The following NFE2L3 variants were observed in gnomAD, a reference collection of about 807,000 sequenced individuals.
NFE2L3 encodes the protein NFE2 like bZIP transcription factor 3.
A neutral mutation model predicts 23.5 loss-of-function variants in NFE2L3; 18 were observed. The ratio of observed to expected loss-of-function variants is 0.77; its 90% CI spans 0.53 to 1.13. NFE2L3 has a LOEUF of 1.13. Ranked by LOEUF, NFE2L3 falls within the 50% of genes most tolerant of loss-of-function variation. The pLI, the probability that NFE2L3 is intolerant of heterozygous loss-of-function variation, is 0.00. For synonymous variants in NFE2L3, 424 were observed against 354.5 expected, an observed-to-expected ratio of 1.20 and a Z score of -2.20; for missense variants, 1,152 against 877.2, an observed-to-expected ratio of 1.31 and a Z score of -3.96.
At chr7:26,167,763 G>A (rs1784273457) in intron 1 of NFE2L3, among the ~76,000 whole-genome samples, 1 of 152,118 alleles carries the variant, frequency 6.6e-6, no homozygotes, top group Non-Finnish European at 1.5e-5. Context: ...GGCTACTAGG[G>A]CTAGCTGGTT....
chr7:26,176,766 C>T (rs1198589115), intron 1 of NFE2L3, among the ~76,000 whole-genome samples: 1 of 84,906 alleles, frequency 1.2e-5, no homozygotes, highest in Admixed American at 1.1e-4. Flanking sequence ...CCTCACTTCC[C>T]AGACGGGGTG....
chr7:26,183,724 TTC>T lies in NFE2L3; in HGVS notation c.776_777del (p.Ser259PhefsTer15). ...AGAGACATCTGAATGGGACAGATAC[TTC>T]TTTCTCTCTGGAAGACTTATTCCAG... ...NERHLNGTDT[S>X]FSLEDLFQLL... On this transcript the variant is annotated frameshift_variant, in exon 3 of 4. Coordinates refer to ENST00000056233, the MANE Select transcript of NFE2L3 (RefSeq NM_004289.7). LOFTEE classifies it high-confidence loss of function. The T allele has an allele frequency of 6.2e-7, 1 of 1,612,498 alleles. No homozygotes were observed. The highest frequency in any genetic ancestry group is 1.1e-5 in the South Asian group (1 of 91,048).
At position 26,152,796 on chromosome 7, in the gene NFE2L3, G is replaced by A; in HGVS notation, c.298G>A (p.Val100Ile). ...GCTCCGGGAGGTGCGCGCGCTCGGG[G>A]TCCCCTTCGTCCCTCGCACCAGCGT... ...QLLREVRALG[V>I]PFVPRTSVDA... Residue 100 changes from valine (V) to isoleucine (I), a missense_variant, in exon 1 of 4, where the codon GTC becomes ATC. Val to Ile is a conservative substitution (Grantham distance 29). Coordinates refer to ENST00000056233, the MANE Select transcript of NFE2L3 (RefSeq NM_004289.7). This position sits in a 1 kb window ranked among gnomAD's most constrained non-coding sequence, Gnocchi z 4.4. 6.7e-7 allele frequency: 1 copy of A among 1,486,170 alleles called. No individual in the cohort carries two copies. Among genetic ancestry groups the A allele is most frequent in the Non-Finnish European group, 8.9e-7 (1 of 1,125,868 alleles). 92.1% of individuals were successfully genotyped at this position (1,486,170 alleles called of 1,614,324 possible).
intron 1 of NFE2L3, among the ~76,000 whole-genome samples, chr7:26,163,410 G>A (rs777347365): frequency 9.9e-5 from 15 of 152,080 alleles, no homozygotes; most frequent in South Asian, 2.1e-4. Context: ...GCAATGGCGC[G>A]ATCTCAGCTC....
In NFE2L3 at chr7:26,186,867, C is replaced by T. The variant is rs1030064055; in HGVS notation, c.*1084C>T. ...GAAATGAAAACCTCACTTAAGTTCA[C>T]TAGAACAGTAAACAGGAGATTGCTG... On this transcript the variant is annotated 3_prime_UTR_variant, in exon 4 of 4. Transcript: ENST00000056233. The T allele has an allele frequency of 3.9e-5, 6 of 152,296 alleles. No homozygotes were observed. The highest frequency in any genetic ancestry group is 1.4e-4 in the African/African-American group (6 of 41,554). 9.4% of individuals were successfully genotyped at this position (152,296 alleles called of 1,614,324 possible). A position where few individuals can be genotyped will look rare whatever the true frequency, so the allele number is the denominator to read the frequency against.
At position 26,183,697 on chromosome 7, in the gene NFE2L3, A is replaced by G. The variant is rs1455763062; in HGVS notation, c.751-4A>G. The G allele has an allele frequency of 6.3e-7, 1 of 1,597,952 alleles. No homozygotes were observed. The highest frequency in any genetic ancestry group is 1.1e-5 in the South Asian group (1 of 90,730). On this transcript the variant is annotated splice_region_variant and splice_polypyrimidine_tract_variant and intron_variant, in intron 2 of 3. Transcript: ENST00000056233. ...AAAGATGCACTTTTTGTGTTTCTCT[A>G]CAGAGACATCTGAATGGGACAGATA...
At chr7:26,175,802 CATATTTG>C (rs1195492680) in intron 1 of NFE2L3, among the ~76,000 whole-genome samples, 3 of 149,986 alleles carry the variant, frequency 2.0e-5, no homozygotes, top group Non-Finnish European at 4.4e-5. Context: ...AAATAGTTTC[CATATTTG>C]ATCAGTGTTT....
chr7:26,184,065 G>GT (rs1350219713), intron 3 of NFE2L3: 4 of 444,062 alleles, frequency 9.0e-6, no homozygotes, highest in Admixed American at 4.0e-5. Context: ...GGAAATCAGT[G>GT]TATCAAAGGG....
intron 1 of NFE2L3, among the ~76,000 whole-genome samples, chr7:26,155,170 C>T (rs546053060): frequency 2.0e-4 from 30 of 152,190 alleles, no homozygotes; most frequent in Middle Eastern, 3.4e-3. Flanking sequence ...GGGCTGAGTG[C>T]GGTGGCTCAC....
intron 1 of NFE2L3, among the ~76,000 whole-genome samples, chr7:26,165,508 G>A (rs994973043): frequency 6.6e-6 from 1 of 152,188 alleles, no homozygotes; most frequent in African/African-American, 2.4e-5. Context: ...GTATCCCGAG[G>A]CTTTGCTCAA....
intron 1 of NFE2L3, among the ~76,000 whole-genome samples, chr7:26,156,964 T>A (rs1583925254): frequency 3.3e-5 from 5 of 151,924 alleles, no homozygotes; most frequent in Admixed American, 3.3e-4. Flanking sequence ...TACTAAAAAT[T>A]AGCCGGGCAC....
At chr7:26,166,050 G>T (rs1007902901) in intron 1 of NFE2L3, among the ~76,000 whole-genome samples, 4 of 151,414 alleles carry the variant, frequency 2.6e-5, no homozygotes, top group Non-Finnish European at 5.9e-5. Context: ...AAGCAGACAG[G>T]TGCTTTACTG....
At chr7:26,153,591 T>G (rs1420950085) in intron 1 of NFE2L3, among the ~76,000 whole-genome samples, 9 of 152,216 alleles carry the variant, frequency 5.9e-5, no homozygotes, top group Admixed American at 5.9e-4. Context: ...CAGGGTCTAT[T>G]CAGAGGCCAG....
intron 1 of NFE2L3, among the ~76,000 whole-genome samples, chr7:26,159,394 T>C (rs1248719731): frequency 1.3e-5 from 2 of 152,188 alleles, no homozygotes; most frequent in Non-Finnish European, 2.9e-5. Context: ...TTGAGCCCTA[T>C]TGCACTCTGT....
At chr7:26,155,725 TTTGGGGAGAAAATG>T in intron 1 of NFE2L3, among the ~76,000 whole-genome samples, 1 of 152,128 alleles carries the variant, frequency 6.6e-6, no homozygotes, top group African/African-American at 2.4e-5. Flanking sequence ...GAACCATGAC[TTTGGGGAGAAAATG>T]GGCTGGAAAA....
chr7:26,174,154 T>G (rs1784363260), intron 1 of NFE2L3: 1 of 152,216 alleles, frequency 6.6e-6, no homozygotes. Context: ...ATCAAGGGGA[T>G]GAAGAATCAG....
intron 1 of NFE2L3, among the ~76,000 whole-genome samples, chr7:26,162,532 A>G (rs984035865): frequency 6.6e-6 from 1 of 152,074 alleles, no homozygotes; most frequent in Non-Finnish European, 1.5e-5. Context: ...CAGTTGGCCT[A>G]TTCTGCCTGC....
intron 1 of NFE2L3, among the ~76,000 whole-genome samples, chr7:26,167,758 C>A (rs1249372835): frequency 6.6e-6 from 1 of 152,140 alleles, no homozygotes; most frequent in African/African-American, 2.4e-5. Context: ...TTACTGGCTA[C>A]TAGGGCTAGC....
chr7:26,180,957 A>G (rs979377423), intron 2 of NFE2L3, among the ~76,000 whole-genome samples: 1 of 151,370 alleles, frequency 6.6e-6, no homozygotes, highest in African/African-American at 2.4e-5. Context: ...ATCTTCGTGT[A>G]CTTAACACTT....
Sources: gnomAD v4.1 joint callset for allele counts (sites outside exome capture counted in the v4.1 genomes callset) on GRCh38, gnomAD v4.1.1 for gene constraint, Gnocchi (gnomAD v3.1) non-coding constraint, MANE v1.5 for transcripts, NCBI Gene and HGNC (gene_info 2026-07-23, HGNC 2026-07-21) for gene names.